The following ANKRD44 variants were observed in gnomAD, a reference collection of about 807,000 sequenced individuals.
The protein encoded by ANKRD44 is serine/threonine-protein phosphatase 6 regulatory ankyrin repeat subunit B.
ANKRD44 carries 35 observed loss-of-function variants against 116.0 expected under a neutral mutation model. The observed-to-expected ratio is 0.30, with a 90% CI of 0.23 to 0.40. ANKRD44 has a LOEUF of 0.40. ANKRD44 is among the 10% of genes least tolerant of loss of function. ANKRD44 has a pLI of 1.00. For missense variants in ANKRD44, 1,014 were observed against 1,242.6 expected, an observed-to-expected ratio of 0.82 and a Z score of 2.77; for synonymous variants, 435 against 461.8, an observed-to-expected ratio of 0.94 and a Z score of 0.74.
intron 4 of ANKRD44, chr2:197,133,947 C>CTTTCTTTTTTTTTTTTTTTTTTTTTT (rs1574519359): frequency 1.9e-4 from 11 of 56,478 alleles, no homozygotes; most frequent in South Asian, 1.0e-3. Flanking sequence ...CTTTTTCTTT[C>CTTTCTTTTTTTTTTTTTTTTTTTTTT]TTTTTTTTTT....
At chr2:197,171,857 T>C (rs998572547) in intron 2 of ANKRD44, among the ~76,000 whole-genome samples, 2 of 152,186 alleles carry the variant, frequency 1.3e-5, no homozygotes, top group African/African-American at 2.4e-5. Context: ...AAAACTGCTA[T>C]AAAAACTTTA....
rs116766859 is a variant in ANKRD44, at chr2:197,269,559, G to A, written c.27+41019C>T. 2.4e-3 allele frequency among the ~76,000 whole-genome samples: 363 copies of A among 152,218 alleles called. 1 individual carries two copies. Among genetic ancestry groups the A allele is most frequent in the African/African-American group, 8.4e-3 (349 of 41,518 alleles). On this transcript the variant is annotated intron_variant, in intron 1 of 27. Transcript: ENST00000282272. ...TTGAGAAAGGAAAAGAGGGGGCAGG[G>A]GAAGAAGGAGAAGATAGAATTGAAG...
At position 196,996,902 on chromosome 2, in the gene ANKRD44, C is replaced by CAAA. The variant is rs55760106; in HGVS notation, c.2748+1432_2748+1434dup. On this transcript the variant is annotated intron_variant, in intron 25 of 27. Coordinates refer to ENST00000282272, the MANE Select transcript of ANKRD44 (RefSeq NM_001195144.2). ...CTGGGCAACAAGTAAGACTCTGCCTCAAAAAAAAAAAAAAAAAAAAAAATT... is the reference window on the plus strand; with the variant it reads ...CTGGGCAACAAGTAAGACTCTGCCTCAAAAAAAAAAAAAAAAAAAAAAAAAATT... Among the ~76,000 whole-genome samples the CAAA allele has an allele frequency of 1.7e-3, 149 of 88,130 alleles. 2 individuals are homozygous for CAAA. The highest frequency in any genetic ancestry group is 2.5e-3 in the African/African-American group (59 of 23,218). 57.8% of individuals were successfully genotyped at this position (88,130 alleles called of 152,430 possible).
intron 1 of ANKRD44, among the ~76,000 whole-genome samples, chr2:197,206,015 AG>A (rs1416415469): frequency 6.6e-6 from 1 of 152,188 alleles, no homozygotes; most frequent in Admixed American, 6.5e-5. Context: ...CTAACCTCAG[AG>A]AAACAGGAAG....
At chr2:197,269,358 AGGCTGTTGCCTTGGAAACG>A (rs2082833357) in intron 1 of ANKRD44, among the ~76,000 whole-genome samples, 1 of 152,224 alleles carries the variant, frequency 6.6e-6, no homozygotes, top group Non-Finnish European at 1.5e-5. Flanking sequence ...CATAACCAGA[AGGCTGTTGCCTTGGAAACG>A]GGAGCTGTAA....
At chr2:197,014,973 T>TGGGGTGAAATGGGG (rs1558991412) in intron 17 of ANKRD44, 1 of 170,550 alleles carries the variant, frequency 5.9e-6, no homozygotes, top group Non-Finnish European at 1.3e-5. Context: ...GTGAAATGGG[T>TGGGGTGAAATGGGG]ATGGGGGACA....
intron 1 of ANKRD44, among the ~76,000 whole-genome samples, chr2:197,291,577 C>T (rs926796077): frequency 8.5e-5 from 13 of 152,098 alleles, no homozygotes; most frequent in African/African-American, 2.9e-4. Flanking sequence ...CCACCACACC[C>T]AGCCAAATTC....
chr2:197,297,654 A>G (rs2083763084), intron 1 of ANKRD44, among the ~76,000 whole-genome samples: 1 of 152,346 alleles, frequency 6.6e-6, no homozygotes, highest in East Asian at 1.9e-4. Flanking sequence ...GTCTCCAGAC[A>G]TCAACTTTAG....
At chr2:196,991,595 T>G (rs1180670327) in intron 27 of ANKRD44, among the ~76,000 whole-genome samples, 2 of 152,134 alleles carry the variant, frequency 1.3e-5, no homozygotes, top group Non-Finnish European at 2.9e-5. Flanking sequence ...CAAATTTTTT[T>G]TTTGACAGAG....
chr2:197,111,178 A>G (rs2078556196), intron 8 of ANKRD44, among the ~76,000 whole-genome samples: 1 of 152,244 alleles, frequency 6.6e-6, no homozygotes, highest in Non-Finnish European at 1.5e-5. Flanking sequence ...TTAGAGAAAC[A>G]GTTATCTGAA....
intron 1 of ANKRD44, among the ~76,000 whole-genome samples, chr2:197,191,803 AAAAC>A (rs1559137565): frequency 6.6e-6 from 1 of 152,202 alleles, no homozygotes; most frequent in Non-Finnish European, 1.5e-5. Flanking sequence ...TGCACATACT[AAAAC>A]AAACAAACAA....
chr2:197,007,999 C>CTCTT (rs2076231039), intron 19 of ANKRD44, 76 bp from the exon 20 acceptor site: 1 of 641,336 alleles, frequency 1.6e-6, no homozygotes. Flanking sequence ...GGAAGACATT[C>CTCTT]TCTTTCTCCC....
chr2:197,157,443 G>T (rs942059619), intron 2 of ANKRD44, among the ~76,000 whole-genome samples: 5 of 152,128 alleles, frequency 3.3e-5, no homozygotes, highest in Non-Finnish European at 7.3e-5. Context: ...GGGAGGCCAA[G>T]GTAGGTGGAT....
chr2:197,164,219 AC>A (rs774324401), intron 2 of ANKRD44, among the ~76,000 whole-genome samples: 116 of 152,244 alleles, frequency 7.6e-4, no homozygotes, highest in Non-Finnish European at 1.2e-3. Flanking sequence ...GGGGCTTTCT[AC>A]ATTCCTCGGG....
At chr2:197,102,069 AAAAC>A (rs1559063216) in intron 9 of ANKRD44, among the ~76,000 whole-genome samples, 1 of 152,086 alleles carries the variant, frequency 6.6e-6, no homozygotes, top group African/African-American at 2.4e-5. Flanking sequence ...ACAAAAAACA[AAAAC>A]AAAAACAAAA....
At chr2:197,118,902 G>T (rs899296523) in intron 8 of ANKRD44, among the ~76,000 whole-genome samples, 2 of 151,998 alleles carry the variant, frequency 1.3e-5, no homozygotes, top group African/African-American at 4.8e-5. Context: ...ACAAATGTAC[G>T]TTTTTGTATT....
intron 9 of ANKRD44, among the ~76,000 whole-genome samples, chr2:197,108,179 C>G (rs1000580098): frequency 6.6e-6 from 1 of 152,150 alleles, no homozygotes; most frequent in African/African-American, 2.4e-5. Context: ...CCCTATTCCT[C>G]AACATACTGG....
intron 7 of ANKRD44, among the ~76,000 whole-genome samples, chr2:197,122,431 A>C (rs1318504194): frequency 3.9e-5 from 6 of 152,232 alleles, no homozygotes; most frequent in Non-Finnish European, 7.3e-5. Context: ...CTATATATTT[A>C]TCTATGTTGA....
chr2:197,040,596 C>G (rs145504087), intron 16 of ANKRD44, among the ~76,000 whole-genome samples: 2,092 of 152,040 alleles, frequency 0.014, 31 homozygotes, highest in South Asian at 0.024. Flanking sequence ...AAGCTGGTCT[C>G]GAACTCCTGA....
Sources: allele counts gnomAD v4.1 joint callset (sites outside exome capture counted in the v4.1 genomes callset), GRCh38; gene constraint gnomAD v4.1.1; transcripts MANE v1.5; gene names NCBI Gene and HGNC (gene_info 2026-07-23, HGNC 2026-07-21).